ADAMTS18: variants seen among roughly 807,000 people sequenced by gnomAD.
ADAMTS18 encodes the protein A disintegrin and metalloproteinase with thrombospondin motifs 18.
ADAMTS18 carries 157 observed loss-of-function variants against 165.9 expected under a neutral mutation model. That is an observed-to-expected ratio of 0.95 (90% CI 0.83 to 1.08). ADAMTS18 has a LOEUF of 1.08. Ranked by LOEUF, ADAMTS18 falls within the 50% of genes least tolerant of loss-of-function variation. The pLI, the probability that ADAMTS18 is intolerant of heterozygous loss-of-function variation, is 0.00. For missense variants in ADAMTS18, 2,040 were observed against 1,534.0 expected, an observed-to-expected ratio of 1.33 and a Z score of -5.51; for synonymous variants, 782 against 578.2, an observed-to-expected ratio of 1.35 and a Z score of -5.06.
At chr16:77,294,897 G>T in intron 19 of ADAMTS18, 26 bp downstream of exon 19, 1 of 1,611,842 alleles carries the variant, frequency 6.2e-7, no homozygotes, top group South Asian at 1.1e-5. Context: ...ACCGAGAATA[G>T]TAACTCCCAA....
At chr16:77,408,047 G>A (rs1009907831) in intron 3 of ADAMTS18, among the ~76,000 whole-genome samples, 1 of 151,860 alleles carries the variant, frequency 6.6e-6, no homozygotes, top group Admixed American at 6.6e-5. Flanking sequence ...ATAGAAAAAT[G>A]GCAAAAAACT....
chr16:77,362,887 T>A (rs1364458416), intron 6 of ADAMTS18, among the ~76,000 whole-genome samples: 1 of 152,212 alleles, frequency 6.6e-6, no homozygotes, highest in Non-Finnish European at 1.5e-5. Context: ...TCAAGGTCCT[T>A]GGGCAACCTA....
intron 3 of ADAMTS18, among the ~76,000 whole-genome samples, chr16:77,404,132 TA>T (rs2144815299): frequency 6.6e-6 from 1 of 152,158 alleles, no homozygotes; most frequent in Non-Finnish European, 1.5e-5. Flanking sequence ...CTTTGCCCTT[TA>T]AAGACAACTG....
intron 22 of ADAMTS18, among the ~76,000 whole-genome samples, chr16:77,288,598 A>G (rs567901664): frequency 1.3e-5 from 2 of 152,312 alleles, no homozygotes; most frequent in East Asian, 3.9e-4. Flanking sequence ...TCCTAGGGCA[A>G]TACATATTCA....
chr16:77,286,259 C>T (rs146979284), intron 22 of ADAMTS18, among the ~76,000 whole-genome samples: 144 of 152,242 alleles, frequency 9.5e-4, no homozygotes, highest in Non-Finnish European at 1.7e-3. Context: ...ATCAAGTGGT[C>T]GTGCCTGATC....
At chr16:77,374,035 A>G (rs927646441) in intron 3 of ADAMTS18, among the ~76,000 whole-genome samples, 11 of 152,210 alleles carry the variant, frequency 7.2e-5, no homozygotes, top group African/African-American at 2.6e-4. Context: ...CCTAGCCAAC[A>G]TGGTGAAACC....
intron 6 of ADAMTS18, among the ~76,000 whole-genome samples, chr16:77,363,543 T>C (rs1287667591): frequency 1.3e-5 from 2 of 150,732 alleles, no homozygotes; most frequent in East Asian, 1.9e-4. Context: ...TCTATTTGTA[T>C]ATTATTTAGT....
chr16:77,395,909 G>T (rs575790617), intron 3 of ADAMTS18, among the ~76,000 whole-genome samples: 1 of 152,290 alleles, frequency 6.6e-6, no homozygotes, highest in South Asian at 2.1e-4. Context: ...AAGCTTCAAT[G>T]ATAGTCATGA....
chr16:77,342,678 G>C (rs554415138), intron 10 of ADAMTS18, among the ~76,000 whole-genome samples: 2 of 152,332 alleles, frequency 1.3e-5, no homozygotes, highest in East Asian at 1.9e-4. Context: ...TCTCATGCTA[G>C]ACTGTGGTAC....
chr16:77,366,358 G>A (rs2056793671), intron 4 of ADAMTS18, among the ~76,000 whole-genome samples: 1 of 152,200 alleles, frequency 6.6e-6, no homozygotes, highest in Non-Finnish European at 1.5e-5. Flanking sequence ...AGGAGTTTGA[G>A]ACCAGCCTGG....
intron 22 of ADAMTS18, among the ~76,000 whole-genome samples, chr16:77,285,048 C>G (rs986492238): frequency 6.6e-6 from 1 of 152,100 alleles, no homozygotes; most frequent in Admixed American, 6.5e-5. Context: ...GTTCAATGAG[C>G]AGGACAGATG....
intron 10 of ADAMTS18, among the ~76,000 whole-genome samples, chr16:77,349,013 A>C (rs569915195): frequency 6.7e-6 from 1 of 150,292 alleles, no homozygotes; most frequent in Admixed American, 6.6e-5. Context: ...GCGTAAGTGC[A>C]TGGGGGAAAG....
chr16:77,316,307 T>G (rs2055886323), intron 16 of ADAMTS18, among the ~76,000 whole-genome samples: 1 of 151,090 alleles, frequency 6.6e-6, no homozygotes, highest in East Asian at 2.0e-4. Flanking sequence ...CAGGCTGGAG[T>G]GCAGTAGTGC....
rs201929461 is a variant in ADAMTS18 at position 77,321,166 on chromosome 16, C to T, written c.2200G>A (p.Val734Ile). Residue 734 changes from valine to isoleucine, a missense_variant, in exon 15 of 23, where the codon GTT becomes ATT. By Grantham distance (29) the Val-to-Ile change is conservative (BLOSUM62 3). Transcript: ENST00000282849. ...GCDHELGSKA[V>I]SDACGVCKGD... is the part of the protein sequence containing the mutation. ...TTGCAAACGCCACAAGCATCTGAAACTGCTTTAGAGCCTAGTTCATGATCA... is the reference window on the plus strand; with the variant it reads ...TTGCAAACGCCACAAGCATCTGAAATTGCTTTAGAGCCTAGTTCATGATCA... The T allele has an allele frequency of 8.1e-6, 13 of 1,614,180 alleles. No individual in the cohort carries two copies. The highest frequency in any genetic ancestry group is 1.7e-5 in the Admixed American group (1 of 60,022).
At chr16:77,412,473 T>C (rs1174372146) in intron 3 of ADAMTS18, among the ~76,000 whole-genome samples, 2 of 152,148 alleles carry the variant, frequency 1.3e-5, no homozygotes, top group African/African-American at 4.8e-5. Flanking sequence ...TACAGAAGTA[T>C]GCCACCATAC....
Position 77,295,028 on chromosome 16 carries a change from C to G in ADAMTS18, c.2901G>C (p.Glu967Asp), listed in dbSNP as rs779817580. 15 of 1,614,176 alleles carry G rather than the reference C, an allele frequency of 9.3e-6. No homozygotes were observed. The South Asian group carries it at 1.6e-4, about 18-fold the overall frequency. The change falls in exon 19 of 23, where the codon GAG becomes GAC. Residue 967 changes from glutamate to aspartate, a missense_variant. By Grantham distance (45) the Glu-to-Asp change is conservative. Coordinates refer to ENST00000282849, the MANE Select transcript of ADAMTS18 (RefSeq NM_199355.4). ...QCVQKKPFQK[E>D]EAVLHSLCPV... is the part of the protein sequence containing the mutation. ...GACAGAGAGAATGCAACACTGCTTCCTCCTTTTGGAAGGGCTTCTTTTGCA... is the reference window on the plus strand; with the variant it reads ...GACAGAGAGAATGCAACACTGCTTCGTCCTTTTGGAAGGGCTTCTTTTGCA...
At position 77,283,482 on chromosome 16, in the gene ADAMTS18, G is replaced by T. The variant is rs2055187691; in HGVS notation, c.*474C>A. 5.8e-6 allele frequency: 1 copy of T among 172,734 alleles called. No homozygotes were observed. Among genetic ancestry groups the T allele is most frequent in the Admixed American group, 5.6e-5 (1 of 17,784 alleles). 10.7% of individuals were successfully genotyped at this position (172,734 alleles called of 1,614,324 possible). On this transcript the variant is annotated 3_prime_UTR_variant, in exon 23 of 23. Transcript: ENST00000282849. ...GGCTTCTCATAGAACTCCTGGCTTGGGTGTTCACAGGGTTAGTCGAACTGT... is the reference window on the plus strand; with the variant it reads ...GGCTTCTCATAGAACTCCTGGCTTGTGTGTTCACAGGGTTAGTCGAACTGT...
Position 77,389,658 on chromosome 16 carries a change from T to A in ADAMTS18, c.496-21935A>T, listed in dbSNP as rs951857535. Among the ~76,000 whole-genome samples the A allele has an allele frequency of 3.3e-5, 5 of 152,182 alleles. No individual in the cohort carries two copies. In the South Asian group the frequency reaches 8.3e-4, roughly 25 times the overall value. ...TTGGAAGACCACTCAAGGCACCTGA[T>A]AAATTCTTCGAAAGGTCTCTTAGAA... On this transcript the variant is annotated intron_variant, in intron 3 of 22. Transcript: ENST00000282849.
chr16:77,289,540 G>T, intron 21 of ADAMTS18, 129 bp from the exon 22 acceptor site: 1 of 1,083,790 alleles, frequency 9.2e-7, no homozygotes. Flanking sequence ...CTGGAGCCAG[G>T]CACATGTGCT....
Sources: allele counts gnomAD v4.1 joint callset (sites outside exome capture counted in the v4.1 genomes callset), GRCh38; gene constraint gnomAD v4.1.1; transcripts MANE v1.5; gene names NCBI Gene and HGNC (gene_info 2026-07-23, HGNC 2026-07-21).